The following ZNF510 variants were observed in gnomAD, a reference collection of about 807,000 sequenced individuals.
The protein encoded by ZNF510 is zinc finger protein 510.
In ZNF510, 15 loss-of-function variants were observed where a neutral mutation model predicts 18.1. That is an observed-to-expected ratio of 0.83 (90% CI 0.55 to 1.28). The LOEUF is 1.28. Among genes scored for constraint, ZNF510 ranks in the 50% most tolerant of loss-of-function variants. The pLI is 0.00. For missense variants in ZNF510, 724 were observed against 791.8 expected, an observed-to-expected ratio of 0.91 and a Z score of 1.03; for synonymous variants, 261 against 266.4, an observed-to-expected ratio of 0.98 and a Z score of 0.20.
At chr9:96,777,553 A>G (rs1849729367) in intron 1 of ZNF510, 1 of 152,226 alleles carries the variant, frequency 6.6e-6, no homozygotes, top group African/African-American at 2.4e-5. Flanking sequence ...ACTAGCGCTT[A>G]GCTAAATGCT....
intron 3 of ZNF510, among the ~76,000 whole-genome samples, chr9:96,769,298 A>AT (rs1849538050): frequency 6.6e-6 from 1 of 151,856 alleles, no homozygotes; most frequent in Non-Finnish European, 1.5e-5. Context: ...TTACCCGGGC[A>AT]TTGTGGTGCA....
chr9:96,758,837 A>C lies in ZNF510; in HGVS notation c.1993T>G (p.Cys665Gly), dbSNP rs138235342. The part of the protein sequence containing the change: ...SYECNEYGKL[C>G]KKSTLSLYQK... ...TATAAGCTTAGGGTAGACTTCTTAC[A>C]TAATTTCCCATATTCATTGCATTCA... Residue 665 changes from cysteine to glycine, a missense_variant, in exon 6 of 6, where the codon TGT becomes GGT. Transcript: ENST00000223428. 4.3e-6 allele frequency: 7 copies of C among 1,612,918 alleles called. No individual in the cohort carries two copies. The Admixed American group carries it at 8.3e-5, about 19-fold the overall frequency.
Position 96,754,902 on chromosome 9 carries a change from TAGTG to T in ZNF510, c.*3872_*3875del, listed in dbSNP as rs1849160696. On this transcript the variant is annotated 3_prime_UTR_variant, in exon 6 of 6. Coordinates refer to ENST00000223428, the MANE Select transcript of ZNF510 (RefSeq NM_014930.3). The stretch of plus-strand genomic sequence containing the variant: ...CTATCTTTATTAGCTTGAAGGCCCT[TAGTG>T]GGTGGGCAGACAGAAAATCAGCTCC... Among the ~76,000 whole-genome samples, 1 of 152,158 alleles carries T rather than the reference TAGTG, an allele frequency of 6.6e-6. No homozygotes were observed. Among genetic ancestry groups the T allele is most frequent in the African/African-American group, 2.4e-5 (1 of 41,450 alleles).
chr9:96,767,683 C>A (rs1849505416), intron 3 of ZNF510, among the ~76,000 whole-genome samples: 1 of 152,096 alleles, frequency 6.6e-6, no homozygotes, highest in South Asian at 2.1e-4. Flanking sequence ...CAAAAAGAAA[C>A]AGAACATCCG....
chr9:96,763,646 T>C lies in ZNF510; in HGVS notation c.130-14A>G, dbSNP rs72745890. On this transcript the variant is annotated splice_polypyrimidine_tract_variant and intron_variant, in intron 3 of 5. Transcript: ENST00000223428. Reference sequence around the variant, plus strand: ...TGACACTGATGCCTGTAACAGTACATTTCTATTCAATCTGAAGGGTTCAGA... The same window carrying C: ...TGACACTGATGCCTGTAACAGTACACTTCTATTCAATCTGAAGGGTTCAGA... The C allele has an allele frequency of 0.011, 16,672 of 1,585,236 alleles. 106 individuals carry two copies. Among genetic ancestry groups the C allele is most frequent in the Non-Finnish European group, 0.012 (14,393 of 1,168,040 alleles).
chr9:96,756,346 A>G lies in ZNF510; in HGVS notation c.*2432T>C, dbSNP rs1357875538. The G allele has an allele frequency of 1.3e-5, 2 of 152,112 alleles. No homozygotes were observed. The highest frequency in any genetic ancestry group is 6.5e-5 in the Admixed American group (1 of 15,284). The allele number at this position is 152,112 out of a possible 1,614,324, so 9.4% of individuals were successfully genotyped here. On this transcript the variant is annotated 3_prime_UTR_variant, in exon 6 of 6. Transcript: ENST00000223428. The stretch of plus-strand genomic sequence containing the variant: ...TGAGTTTGAACACACACAGGATCCT[A>G]GTAGTTTCAGTTGGCGAAAGCATCA...
At position 96,776,065 on chromosome 9, in the gene ZNF510, G is replaced by T. The variant is rs148502386; in HGVS notation, c.5C>A (p.Ser2Ter). 1 of 1,602,782 alleles carries T rather than the reference G, an allele frequency of 6.2e-7. No homozygotes were observed. The highest frequency in any genetic ancestry group is 1.7e-5 in the Admixed American group (1 of 58,742). ...ATCTGTGATGGCTTCTGGATGTGGC[G>T]ACATCACCAAGTCTGGTGCTCTCTG... M[S>*]PHPEAITDCV... Residue 2 changes from serine (S) to a stop codon, truncating the protein, a stop_gained, in exon 2 of 6, where the codon TCG (serine) becomes TAG (stop). Coordinates refer to ENST00000223428, the MANE Select transcript of ZNF510 (RefSeq NM_014930.3). LOFTEE classifies it high-confidence loss of function.
Position 96,760,280 on chromosome 9 carries a change from G to A in ZNF510, c.550C>T (p.Gln184Ter), listed in dbSNP as rs1849313762. The change falls in exon 6 of 6, where the codon CAA (glutamine) becomes TAA (stop). Residue 184 changes from glutamine (Q) to a stop codon, truncating the protein, a stop_gained. Coordinates refer to ENST00000223428, the MANE Select transcript of ZNF510 (RefSeq NM_014930.3). LOFTEE classifies it low-confidence loss of function (END_TRUNC). ...CKCNSWEVNL[Q>*]SISEFIINNR... ...TTAATGATAAATTCAGAAATACTTT[G>A]CAAATTCACTTCCCATGAGTTGCAT... 10 of 1,613,014 alleles carry A rather than the reference G, an allele frequency of 6.2e-6. No homozygotes were observed. The highest frequency in any genetic ancestry group is 8.5e-6 in the Non-Finnish European group (10 of 1,179,466).
chr9:96,775,755 G>A (rs1047785378), intron 2 of ZNF510, among the ~76,000 whole-genome samples: 16 of 152,170 alleles, frequency 1.1e-4, no homozygotes, highest in Admixed American at 1.3e-4. Context: ...ACAGGTTCAG[G>A]ATAGAGGCAA....
rs1424989497 is a variant in ZNF510 at position 96,778,073 on chromosome 9, G to C, written c.-216C>G. ...CTCTGCACCAGCAAACACTAACAGG[G>C]AGAAGCCGGAAAGTGGGGTTGACTG... On this transcript the variant is annotated 5_prime_UTR_variant, in exon 1 of 6. Coordinates refer to ENST00000223428, the MANE Select transcript of ZNF510 (RefSeq NM_014930.3). 2.0e-5 allele frequency: 3 copies of C among 152,314 alleles called. No individual in the cohort carries two copies. Among genetic ancestry groups the C allele is most frequent in the African/African-American group, 2.4e-5 (1 of 41,466 alleles). The allele number at this position is 152,314 out of a possible 1,614,324, so 9.4% of individuals were successfully genotyped here.
Position 96,758,546 on chromosome 9 carries a change from A to G in ZNF510, c.*232T>C. On this transcript the variant is annotated 3_prime_UTR_variant, in exon 6 of 6. Transcript: ENST00000223428. Reference sequence around the variant, plus strand: ...ATTCAGGCCTATCCATAGTACTCTGAAAACAGAAGCCTGTCTGAATTCTTT... The same window carrying G: ...ATTCAGGCCTATCCATAGTACTCTGGAAACAGAAGCCTGTCTGAATTCTTT... 1 of 497,310 alleles carries G rather than the reference A, an allele frequency of 2.0e-6. No individual in the cohort carries two copies. The highest frequency in any genetic ancestry group is 3.7e-5 in the South Asian group (1 of 26,792). 30.8% of individuals were successfully genotyped at this position (497,310 alleles called of 1,614,324 possible). A position where few individuals can be genotyped will look rare whatever the true frequency, so the allele number is the denominator to read the frequency against.
Position 96,758,790 on chromosome 9 carries a change from C to T in ZNF510, c.2040G>A (p.Gly680=). 6.3e-7 allele frequency: 1 copy of T among 1,580,668 alleles called. No individual in the cohort carries two copies. The highest frequency in any genetic ancestry group is 8.6e-7 in the Non-Finnish European group (1 of 1,163,848). ...TCTAGTTATTACATCAATAGGGATT[C>T]CCCTCTCCCTGAATTTTCTGGTATA... The part of the protein sequence containing the change: ...LSLYQKIQGE[G]NPY Residue 680 remains glycine, a synonymous_variant, in exon 6 of 6, where the codon GGG becomes GGA. Coordinates refer to ENST00000223428, the MANE Select transcript of ZNF510 (RefSeq NM_014930.3).
chr9:96,765,152 C>T (rs976039705), intron 3 of ZNF510, among the ~76,000 whole-genome samples: 5 of 152,182 alleles, frequency 3.3e-5, no homozygotes, highest in South Asian at 4.2e-4. Context: ...AACTGAGTAA[C>T]GATTTGTAAT....
chr9:96,775,137 G>A (rs543695281), intron 2 of ZNF510, among the ~76,000 whole-genome samples: 1 of 151,546 alleles, frequency 6.6e-6, no homozygotes, highest in Admixed American at 6.6e-5. Context: ...TCAGTTCACT[G>A]CAACTTCTGC....
intron 3 of ZNF510, among the ~76,000 whole-genome samples, chr9:96,765,617 A>C (rs150130155): frequency 6.6e-6 from 1 of 151,858 alleles, no homozygotes. Context: ...GGTTCAAGCA[A>C]TTATCCTGCC....
rs1849275890 is a variant in ZNF510 at position 96,759,278 on chromosome 9, A to T, written c.1552T>A (p.Cys518Ser). The T allele has an allele frequency of 5.0e-6, 8 of 1,614,022 alleles. No homozygotes were observed. The highest frequency in any genetic ancestry group is 1.3e-5 in the African/African-American group (1 of 74,992). The change falls in exon 6 of 6, where the codon TGC (cysteine) becomes AGC (serine). Residue 518 changes from cysteine (C) to serine (S), a missense_variant. Cys to Ser is a moderately radical substitution (Grantham distance 112, BLOSUM62 -1). Transcript: ENST00000223428. ...RIHTGEKSFQ[C>S]NQCGKTFGQK... ...CCAAATGTTTTTCCACATTGATTGC[A>T]TTGAAAGGATTTCTCCCCTGTGTGA...
chr9:96,759,707 T>A lies in ZNF510; in HGVS notation c.1123A>T (p.Lys375Ter). The change falls in exon 6 of 6, where the codon AAA (lysine) becomes TAA (stop). Residue 375 changes from lysine (K) to a stop codon, truncating the protein, a stop_gained. Coordinates refer to ENST00000223428, the MANE Select transcript of ZNF510 (RefSeq NM_014930.3). LOFTEE classifies it low-confidence loss of function (END_TRUNC). ...VSNDRTQTWVKSSEYHENKKS... is the reference protein window; with the variant it reads ...VSNDRTQTWV ...TTATTTTCATGATATTCAGAGGATTTAACCCAAGTCTGTGTTCTGTCATTA... is the reference window on the plus strand; with the variant it reads ...TTATTTTCATGATATTCAGAGGATTAAACCCAAGTCTGTGTTCTGTCATTA... 1 of 1,613,944 alleles carries A rather than the reference T, an allele frequency of 6.2e-7. No homozygotes were observed.
In ZNF510 at chr9:96,763,169, C is replaced by T; in HGVS notation, c.301G>A (p.Gly101Arg). Residue 101 changes from glycine (G) to arginine (R), a missense_variant, in exon 5 of 6, where the codon GGA becomes AGA. By Grantham distance (125) the Gly-to-Arg change is moderately radical (BLOSUM62 -2). Transcript: ENST00000223428. ...KPEVIFKLEQ[G>R]EEPWFSEEEF... Reference sequence around the variant, plus strand: ...TCCTCTGAGAACCAAGGCTCCTCTCCTTGCTCCAACTTGAAGATCACCTCT... The same window carrying T: ...TCCTCTGAGAACCAAGGCTCCTCTCTTTGCTCCAACTTGAAGATCACCTCT... 6.2e-7 allele frequency: 1 copy of T among 1,614,076 alleles called. No homozygotes were observed. The highest frequency in any genetic ancestry group is 1.1e-5 in the South Asian group (1 of 91,074).
chr9:96,767,699 A>T (rs887891226), intron 3 of ZNF510, among the ~76,000 whole-genome samples: 1 of 152,208 alleles, frequency 6.6e-6, no homozygotes, highest in Non-Finnish European at 1.5e-5. Flanking sequence ...ATCCGAACAG[A>T]CTGATATAAG....
Sources: allele counts gnomAD v4.1 joint callset (sites outside exome capture counted in the v4.1 genomes callset), GRCh38; gene constraint gnomAD v4.1.1; transcripts MANE v1.5; gene names NCBI Gene and HGNC (gene_info 2026-07-23, HGNC 2026-07-21).